The following SPAG17 variants were observed in gnomAD, a reference collection of about 807,000 sequenced individuals.
SPAG17 encodes sperm-associated antigen 17.
Under a neutral mutation model 273.6 loss-of-function variants are expected in SPAG17, and 169 were observed. That is an observed-to-expected ratio of 0.62 (90% CI 0.55 to 0.70). The LOEUF (loss-of-function observed/expected upper bound fraction) is 0.70. Ranked by LOEUF, SPAG17 falls within the 30% of genes least tolerant of loss-of-function variation. SPAG17 has a pLI of 0.00. For synonymous variants in SPAG17, 825 were observed against 873.2 expected, an observed-to-expected ratio of 0.94 and a Z score of 0.97; for missense variants, 2,557 against 2,627.8, an observed-to-expected ratio of 0.97 and a Z score of 0.59.
At position 118,002,679 on chromosome 1, in the gene SPAG17, T is replaced by C. The variant is rs373051447; in HGVS notation, c.4776+2735A>G. Among the ~76,000 whole-genome samples the C allele has an allele frequency of 1.1e-4, 17 of 152,328 alleles. No homozygotes were observed. In the East Asian group the frequency reaches 2.7e-3, roughly 24 times the overall value. ...TTTTTTTGTCTTTCCATTTGCTTGG[T>C]AGATCTTCCTCTATCCCTTTATTTT... On this transcript the variant is annotated intron_variant, in intron 32 of 48. Coordinates refer to ENST00000336338, the MANE Select transcript of SPAG17 (RefSeq NM_206996.4).
intron 31 of SPAG17, among the ~76,000 whole-genome samples, chr1:118,006,641 A>G (rs1246363761): frequency 2.0e-5 from 3 of 152,196 alleles, no homozygotes; most frequent in African/African-American, 4.8e-5. Flanking sequence ...AACTAAGTTT[A>G]CCTTTTGAGG....
Position 118,081,245 on chromosome 1 carries a change from G to A in SPAG17, c.2065C>T (p.Arg689Ter), listed in dbSNP as rs750148271. 3.1e-6 allele frequency: 5 copies of A among 1,613,908 alleles called. No homozygotes were observed. Among genetic ancestry groups the A allele is most frequent in the Admixed American group, 3.3e-5 (2 of 59,994 alleles). Residue 689 changes from arginine (R) to a stop codon, truncating the protein, a stop_gained, in exon 15 of 49, where the codon CGA becomes TGA. Transcript: ENST00000336338. LOFTEE classifies it high-confidence loss of function. Reference sequence around the variant, plus strand: ...CACTGACTAGGATCTGAAGGTTCTCGGTTGCTTTCATTATCTTGCACAGAC... The same window carrying A: ...CACTGACTAGGATCTGAAGGTTCTCAGTTGCTTTCATTATCTTGCACAGAC... ...SMSVQDNESN[R>*]EPSDPSQCDA...
chr1:118,068,994 G>C (rs1051349875), intron 17 of SPAG17, among the ~76,000 whole-genome samples: 3 of 152,090 alleles, frequency 2.0e-5, no homozygotes, highest in African/African-American at 7.2e-5. Context: ...ATTAGAGCAG[G>C]GCAAGAGTGG....
rs955703519 is a variant in SPAG17, at chr1:118,008,187, G to A, written c.4444C>T (p.Arg1482Trp). 6 of 1,613,714 alleles carry A rather than the reference G, an allele frequency of 3.7e-6. No homozygotes were observed. The highest frequency in any genetic ancestry group is 1.3e-5 in the African/African-American group (1 of 75,030). Residue 1482 changes from arginine (R) to tryptophan (W), a missense_variant, in exon 31 of 49, where the codon CGG becomes TGG. Coordinates refer to ENST00000336338, the MANE Select transcript of SPAG17 (RefSeq NM_206996.4). ...PDDQETTEGPRTVTRQVKCMR... is the reference protein window; with the variant it reads ...PDDQETTEGPWTVTRQVKCMR... ...CACTTCACCTGCCTGGTGACAGTCC[G>A]AGGACCCTCGGCTACAAGCAAATGC...
intron 28 of SPAG17, among the ~76,000 whole-genome samples, chr1:118,019,370 C>G (rs1660288919): frequency 6.6e-6 from 1 of 151,618 alleles, no homozygotes. Context: ...AATTAACATG[C>G]AGATTTAGCA....
At chr1:118,169,397 G>A (rs1204224681) in intron 1 of SPAG17, among the ~76,000 whole-genome samples, 1 of 152,112 alleles carries the variant, frequency 6.6e-6, no homozygotes, top group Non-Finnish European at 1.5e-5. Context: ...GCATATTTCA[G>A]AAAATATAGT....
At chr1:118,060,113 C>T (rs1652122135) in intron 18 of SPAG17, among the ~76,000 whole-genome samples, 1 of 151,986 alleles carries the variant, frequency 6.6e-6, no homozygotes, top group South Asian at 2.1e-4. Flanking sequence ...CTTTCCTACT[C>T]TTTTGCTGTC....
At chr1:118,059,801 T>C (rs898775834) in intron 18 of SPAG17, among the ~76,000 whole-genome samples, 3 of 152,098 alleles carry the variant, frequency 2.0e-5, no homozygotes, top group Non-Finnish European at 2.9e-5. Flanking sequence ...TCTTTTTCTC[T>C]CTCCTCACTT....
At chr1:118,145,848 A>C (rs1658956279) in intron 3 of SPAG17, among the ~76,000 whole-genome samples, 2 of 152,204 alleles carry the variant, frequency 1.3e-5, no homozygotes, top group Admixed American at 6.5e-5. Flanking sequence ...CAACTAGAGC[A>C]TAAGAACTTT....
intron 1 of SPAG17, among the ~76,000 whole-genome samples, chr1:118,169,033 T>C (rs1246756226): frequency 6.6e-6 from 1 of 152,222 alleles, no homozygotes; most frequent in Non-Finnish European, 1.5e-5. Flanking sequence ...TGATGGTTTC[T>C]ATGGCTAGAG....
At chr1:117,993,935 G>A (rs574497211) in intron 35 of SPAG17, among the ~76,000 whole-genome samples, 1 of 152,216 alleles carries the variant, frequency 6.6e-6, no homozygotes, top group Admixed American at 6.5e-5. Flanking sequence ...CACTGCAATT[G>A]CAAATGTGCG....
intron 3 of SPAG17, among the ~76,000 whole-genome samples, chr1:118,120,417 T>C (rs1228473976): frequency 6.6e-6 from 1 of 152,178 alleles, no homozygotes. Flanking sequence ...AAATATAGTA[T>C]TTCATTTAAA....
rs557181055 is a variant in SPAG17 at position 118,063,264 on chromosome 1, C to T, written c.2540+3481G>A. ...AAGTTCATATGGAACCAAAAAAGAG[C>T]CCGCATCACCAAGTCAATCTTCAGC... is the stretch of plus-strand genomic sequence containing the variant. On this transcript the variant is annotated intron_variant, in intron 18 of 48. Transcript: ENST00000336338. Among the ~76,000 whole-genome samples the T allele has an allele frequency of 4.6e-5, 7 of 152,248 alleles. No homozygotes were observed. The South Asian group carries it at 1.5e-3, about 32-fold the overall frequency.
At chr1:117,992,346 C>G in intron 36 of SPAG17, 120 bp downstream of exon 36, 3 of 913,482 alleles carry the variant, frequency 3.3e-6, no homozygotes, top group Non-Finnish European at 4.9e-6. Context: ...AGACTGACAT[C>G]CTTGTGTTGC....
intron 15 of SPAG17, among the ~76,000 whole-genome samples, chr1:118,076,721 A>G (rs1444543767): frequency 6.7e-6 from 1 of 150,118 alleles, no homozygotes; most frequent in Non-Finnish European, 1.5e-5. Flanking sequence ...ATTTAATAGT[A>G]GAGTAAAAAT....
chr1:117,993,699 A>G (rs1657350817), intron 35 of SPAG17, among the ~76,000 whole-genome samples: 2 of 152,194 alleles, frequency 1.3e-5, no homozygotes, highest in South Asian at 2.1e-4. Context: ...CATTATCTCA[A>G]TTAACACTAC....
Position 117,996,669 on chromosome 1 carries a change from C to T in SPAG17, c.4851G>A (p.Glu1617=). ...GCATAGAGGACAGACTATCATAGCCCTCAGTTTTCTCATTTAAATCATCTT... is the reference window on the plus strand; with the variant it reads ...GCATAGAGGACAGACTATCATAGCCTTCAGTTTTCTCATTTAAATCATCTT... ...KLEDDLNEKT[E]GYDSLSSMHL... Residue 1617 remains glutamate (E), a synonymous_variant, in exon 33 of 49, where the codon GAG becomes GAA. Transcript: ENST00000336338. 1 of 1,612,688 alleles carries T rather than the reference C, an allele frequency of 6.2e-7. No homozygotes were observed. Among genetic ancestry groups the T allele is most frequent in the South Asian group, 1.1e-5 (1 of 90,928 alleles).
Position 118,036,877 on chromosome 1 carries a change from G to T in SPAG17, c.3326C>A (p.Ser1109Ter). ...DEEQSLETEVSDAKNKAFSKF... is the reference protein window; with the variant it reads ...DEEQSLETEV ...GCTGAAAGCTTTATTCTTTGCATCTGATACTTCTAAAATACAAAATCGAAT... is the reference window on the plus strand; with the variant it reads ...GCTGAAAGCTTTATTCTTTGCATCTTATACTTCTAAAATACAAAATCGAAT... The change falls in exon 24 of 49, where the codon TCA becomes TAA. Residue 1109 changes from serine to a stop codon, truncating the protein, a stop_gained. Transcript: ENST00000336338. LOFTEE classifies it high-confidence loss of function. 6.5e-7 allele frequency: 1 copy of T among 1,548,948 alleles called. No individual in the cohort carries two copies. Among genetic ancestry groups the T allele is most frequent in the Non-Finnish European group, 8.7e-7 (1 of 1,143,312 alleles).
intron 37 of SPAG17, among the ~76,000 whole-genome samples, 185 bp downstream of exon 37, chr1:117,991,230 G>T (rs1249803048): frequency 6.6e-6 from 1 of 152,106 alleles, no homozygotes; most frequent in African/African-American, 2.4e-5. Flanking sequence ...TTTATGAAGA[G>T]CCTAAAATGT....
Sources: gnomAD v4.1 joint callset for allele counts (sites outside exome capture counted in the v4.1 genomes callset) on GRCh38, gnomAD v4.1.1 for gene constraint, MANE v1.5 for transcripts, NCBI Gene and HGNC (gene_info 2026-07-23, HGNC 2026-07-21) for gene names.